The following ANO4 variants were observed in gnomAD, a reference collection of about 807,000 sequenced individuals.
The protein encoded by ANO4 is anoctamin-4.
ANO4 carries 69 observed loss-of-function variants against 141.9 expected under a neutral mutation model. The ratio of observed to expected loss-of-function variants is 0.49; its 90% CI spans 0.40 to 0.59. ANO4 has a LOEUF of 0.59. ANO4 is among the 20% of genes least tolerant of loss of function. The probability of loss-of-function intolerance (pLI) is 0.00; values close to 1 mark genes in which losing one functional copy is unlikely to be tolerated. For synonymous variants in ANO4, 350 were observed against 394.3 expected (o/e 0.89, Z 1.33); for missense variants, 894 against 1,162.2 (o/e 0.77, Z 3.36).
At chr12:100,763,767 A>C (rs1393214265) in intron 3 of ANO4, among the ~76,000 whole-genome samples, 1 of 152,138 alleles carries the variant, frequency 6.6e-6, no homozygotes, top group Non-Finnish European at 1.5e-5. Context: ...CATTTCTCCC[A>C]TTCATCTATC....
At chr12:100,827,276 G>A (rs1345004604) in intron 1 of ANO4, among the ~76,000 whole-genome samples, 2 of 151,750 alleles carry the variant, frequency 1.3e-5, no homozygotes, top group Admixed American at 1.3e-4. Context: ...TAAGACCTTT[G>A]TACTCGCGAT....
intron 1 of ANO4, among the ~76,000 whole-genome samples, chr12:100,823,246 A>C (rs1157977064): frequency 6.6e-6 from 1 of 151,990 alleles, no homozygotes; most frequent in Non-Finnish European, 1.5e-5. Context: ...TTATAGTTTA[A>C]AATTCATTTA....
At position 100,748,910 on chromosome 12, in the gene ANO4, A is replaced by G. The variant is rs1252203298; in HGVS notation, c.358+8805A>G. Among the ~76,000 whole-genome samples, 6 of 152,166 alleles carry G rather than the reference A, an allele frequency of 3.9e-5. No homozygotes were observed. The East Asian group carries it at 9.6e-4, about 24-fold the overall frequency. On this transcript the variant is annotated intron_variant, in intron 3 of 29. Transcript: ENST00000644049. ...AGATTTTAATCGTATGTTATGGAAT[A>G]AATTTTCCGGTTTGGTTTATATGGA...
At chr12:100,839,673 G>T (rs888837423) in intron 1 of ANO4, among the ~76,000 whole-genome samples, 4 of 152,050 alleles carry the variant, frequency 2.6e-5, no homozygotes, top group African/African-American at 9.7e-5. Flanking sequence ...GGAGTTAAGA[G>T]AAGTGAACAT....
In ANO4 at chr12:100,979,328, G is replaced by A. The variant is rs1035315879; in HGVS notation, c.602+4439G>A. Among the ~76,000 whole-genome samples the A allele has an allele frequency of 2.0e-5, 3 of 152,172 alleles. No individual in the cohort carries two copies. In the East Asian group the frequency reaches 5.8e-4, roughly 30 times the overall value. ...TCATCTGGAGGGCTTTTAAAAACACGGATCACTGGGCGCATCCCCAGTGTG... is the reference window on the plus strand; with the variant it reads ...TCATCTGGAGGGCTTTTAAAAACACAGATCACTGGGCGCATCCCCAGTGTG... On this transcript the variant is annotated intron_variant, in intron 7 of 27. Coordinates refer to ENST00000392977, the MANE Select transcript of ANO4 (RefSeq NM_001286615.2).
At chr12:100,925,993 A>T (rs973832755) in intron 3 of ANO4, among the ~76,000 whole-genome samples, 6 of 151,900 alleles carry the variant, frequency 3.9e-5, no homozygotes, top group African/African-American at 1.5e-4. Context: ...TCTCTTTTCA[A>T]TCTTAACCCT....
At chr12:100,764,239 A>G (rs2032990227) in intron 3 of ANO4, among the ~76,000 whole-genome samples, 1 of 152,206 alleles carries the variant, frequency 6.6e-6, no homozygotes. Context: ...GCATTATTGG[A>G]TATGAACTAC....
chr12:100,884,393 C>T (rs964801863), intron 1 of ANO4, among the ~76,000 whole-genome samples: 8 of 152,176 alleles, frequency 5.3e-5, no homozygotes, highest in Non-Finnish European at 1.5e-5. Flanking sequence ...CCCCCATGAC[C>T]ACTGCCTTGG....
chr12:101,026,365 T>A lies in ANO4; in HGVS notation c.841+6225T>A, dbSNP rs138918034. Among the ~76,000 whole-genome samples, 726 of 152,240 alleles carry A rather than the reference T, an allele frequency of 4.8e-3. 10 individuals are homozygous for A. Among genetic ancestry groups the A allele is most frequent in the African/African-American group, 0.016 (669 of 41,554 alleles). On this transcript the variant is annotated intron_variant, in intron 9 of 27. Coordinates refer to ENST00000392977, the MANE Select transcript of ANO4 (RefSeq NM_001286615.2). ...TACACTGAAAACTACAAAACATTGC[T>A]GAGATAAATTTAAGAAGACCCAATA...
chr12:100,853,792 A>G (rs116487715), intron 1 of ANO4, among the ~76,000 whole-genome samples: 3,425 of 152,244 alleles, frequency 0.022, 126 homozygotes, highest in African/African-American at 0.078. Flanking sequence ...TCCTCTTCCC[A>G]AATAACGCAA....
upstream of ANO4, among the ~76,000 whole-genome samples, chr12:100,792,424 T>C (rs1382061326): frequency 6.6e-6 from 1 of 152,174 alleles, no homozygotes; most frequent in African/African-American, 2.4e-5. Flanking sequence ...ACCTATTATA[T>C]GTTAAGTACT....
intron 1 of ANO4, among the ~76,000 whole-genome samples, chr12:100,732,877 C>T (rs781100175): frequency 6.6e-6 from 1 of 152,174 alleles, no homozygotes; most frequent in Non-Finnish European, 1.5e-5. Context: ...TGCAATGCAC[C>T]TGTGAGGCTT....
intron 3 of ANO4, among the ~76,000 whole-genome samples, chr12:100,754,359 G>A (rs969104011): frequency 7.4e-5 from 10 of 134,954 alleles, no homozygotes; most frequent in East Asian, 2.1e-4. Flanking sequence ...CTTTCTTGCC[G>A]GGGCAGGGGT....
intron 14 of ANO4, among the ~76,000 whole-genome samples, chr12:101,061,111 A>T (rs1241808595): frequency 6.6e-6 from 1 of 152,126 alleles, no homozygotes; most frequent in Non-Finnish European, 1.5e-5. Context: ...CTTGTCTGTA[A>T]AGGATTTTAT....
At chr12:101,074,893 C>T (rs1227533113) in intron 14 of ANO4, among the ~76,000 whole-genome samples, 1 of 152,080 alleles carries the variant, frequency 6.6e-6, no homozygotes, top group Non-Finnish European at 1.5e-5. Flanking sequence ...TTTATGGAGC[C>T]TCTCTGCGTG....
intron 1 of ANO4, chr12:100,842,043 AACTACTGG>A (rs2037277990): frequency 2.2e-5 from 3 of 139,214 alleles, no homozygotes; most frequent in Non-Finnish European, 4.6e-5. Context: ...ACAAATGCCA[AACTACTGG>A]TAAATATCCA....
intron 8 of ANO4, among the ~76,000 whole-genome samples, chr12:101,005,897 C>T (rs917797237): frequency 1.3e-5 from 2 of 152,008 alleles, no homozygotes; most frequent in African/African-American, 2.4e-5. Flanking sequence ...TTTCTCCTTT[C>T]TTTTCCCCTA....
At chr12:100,831,478 G>T (rs190303939) in intron 1 of ANO4, among the ~76,000 whole-genome samples, 5 of 151,958 alleles carry the variant, frequency 3.3e-5, no homozygotes, top group African/African-American at 1.2e-4. Context: ...CCCGTGTAGG[G>T]TCTATAGTCA....
intron 2 of ANO4, among the ~76,000 whole-genome samples, chr12:100,909,461 G>C (rs2041003556): frequency 6.6e-6 from 1 of 152,182 alleles, no homozygotes; most frequent in Non-Finnish European, 1.5e-5. Flanking sequence ...GGAAATAGAG[G>C]TGATGTTAGG....
Sources: gnomAD v4.1 joint callset for allele counts (sites outside exome capture counted in the v4.1 genomes callset) on GRCh38, gnomAD v4.1.1 for gene constraint, MANE v1.5 for transcripts, NCBI Gene and HGNC (gene_info 2026-07-23, HGNC 2026-07-21) for gene names.